The following ASIC2 variants were observed in gnomAD, a reference collection of about 807,000 sequenced individuals.
ASIC2 encodes the protein acid-sensing ion channel 2.
In ASIC2, 25 loss-of-function variants were observed where a neutral mutation model predicts 57.3. The ratio of observed to expected loss-of-function variants is 0.44; its 90% CI spans 0.32 to 0.61. The LOEUF (loss-of-function observed/expected upper bound fraction) is 0.61. ASIC2 is among the 20% of genes least tolerant of loss of function. The pLI is 0.06. For synonymous variants in ASIC2, 319 were observed against 307.5 expected, an observed-to-expected ratio of 1.04 and a Z score of -0.39; for missense variants, 641 against 738.1, an observed-to-expected ratio of 0.87 and a Z score of 1.52.
rs1349627122 is a variant in ASIC2 at position 33,946,772 on chromosome 17, A to T, written c.555+209206T>A. ...TCCATTGGGAAGGTGGGGCCAGGGG[A>T]CAAGGGTCATGGATAAAGCTGGCAT... On this transcript the variant is annotated intron_variant, in intron 1 of 9. Coordinates refer to the ASIC2 transcript ENST00000359872. 2.6e-5 allele frequency among the ~76,000 whole-genome samples: 4 copies of T among 152,184 alleles called. 1 individual carries two copies.
chr17:33,215,349 A>G (rs2142092260), intron 1 of ASIC2, among the ~76,000 whole-genome samples: 1 of 152,346 alleles, frequency 6.6e-6, no homozygotes, highest in African/African-American at 2.4e-5. Context: ...AGAGTCTTGA[A>G]ATTATGTATC....
At chr17:33,483,402 G>T (rs909674685) in intron 1 of ASIC2, among the ~76,000 whole-genome samples, 1 of 152,244 alleles carries the variant, frequency 6.6e-6, no homozygotes, top group Non-Finnish European at 1.5e-5. Context: ...TTAGCAAGTG[G>T]GCTCTATCCT....
chr17:33,671,704 A>G (rs1287166791), intron 1 of ASIC2, among the ~76,000 whole-genome samples: 1 of 152,222 alleles, frequency 6.6e-6, no homozygotes, highest in African/African-American at 2.4e-5. Context: ...TTATGAGTCA[A>G]ATCACATTGC....
intron 1 of ASIC2, among the ~76,000 whole-genome samples, chr17:33,367,037 G>A (rs996066771): frequency 1.3e-5 from 2 of 152,242 alleles, no homozygotes; most frequent in Non-Finnish European, 2.9e-5. Context: ...CTAGAATTCA[G>A]CCAGACAAAG....
chr17:34,072,690 AATTAT>A (rs1160763108), intron 1 of ASIC2, among the ~76,000 whole-genome samples: 3 of 152,216 alleles, frequency 2.0e-5, no homozygotes, highest in African/African-American at 7.2e-5. Flanking sequence ...ATAAAAGTGC[AATTAT>A]ATTATAAAAA....
At chr17:34,020,226 C>T (rs1413444836) in intron 1 of ASIC2, among the ~76,000 whole-genome samples, 3 of 152,136 alleles carry the variant, frequency 2.0e-5, no homozygotes, top group Non-Finnish European at 4.4e-5. Flanking sequence ...ATCTGGTGGT[C>T]CCTGGGCCAT....
At chr17:33,304,382 A>G (rs899175731) in intron 1 of ASIC2, among the ~76,000 whole-genome samples, 1 of 152,212 alleles carries the variant, frequency 6.6e-6, no homozygotes, top group African/African-American at 2.4e-5. Flanking sequence ...ACCAAAATCC[A>G]AGCAAGCTTA....
chr17:33,838,015 C>T (rs1367039082), intron 1 of ASIC2, among the ~76,000 whole-genome samples: 2 of 152,176 alleles, frequency 1.3e-5, no homozygotes, highest in Admixed American at 1.3e-4. Context: ...TGCTGATTTA[C>T]CTGTTCTTTC....
intron 1 of ASIC2, among the ~76,000 whole-genome samples, chr17:33,833,488 C>G (rs1431713281): frequency 2.0e-5 from 3 of 151,814 alleles, no homozygotes; most frequent in African/African-American, 7.3e-5. Context: ...CTTCCGTTCT[C>G]TTTGTCTGTG....
chr17:33,922,524 G>A (rs970291162), intron 1 of ASIC2, among the ~76,000 whole-genome samples: 14 of 152,334 alleles, frequency 9.2e-5, no homozygotes, highest in African/African-American at 2.6e-4. Context: ...CTCAAGGAGC[G>A]AACGTTCTAA....
chr17:33,021,424 C>T (rs1192440126), intron 6 of ASIC2, 114 bp from the exon 7 acceptor site: 1 of 863,026 alleles, frequency 1.2e-6, no homozygotes, highest in African/African-American at 1.7e-5. Flanking sequence ...GGAAGTGAGG[C>T]AGCTTGCCCA....
At chr17:34,131,528 A>C (rs1190371191) in intron 1 of ASIC2, among the ~76,000 whole-genome samples, 2 of 151,970 alleles carry the variant, frequency 1.3e-5, no homozygotes, top group Non-Finnish European at 2.9e-5. Context: ...CTGAGCTGTC[A>C]CCCTCCAGGA....
At chr17:33,134,704 C>T (rs1217505900) in intron 1 of ASIC2, among the ~76,000 whole-genome samples, 1 of 152,222 alleles carries the variant, frequency 6.6e-6, no homozygotes, top group Non-Finnish European at 1.5e-5. Flanking sequence ...GAGCCCTCAA[C>T]CTGGGTTGTC....
chr17:33,841,452 A>AG (rs1340803167), intron 1 of ASIC2, among the ~76,000 whole-genome samples: 2 of 152,260 alleles, frequency 1.3e-5, no homozygotes, highest in Non-Finnish European at 2.9e-5. Context: ...CAAGGCAGTT[A>AG]GGCACAGGTG....
chr17:33,829,440 G>T (rs1246776973), intron 1 of ASIC2, among the ~76,000 whole-genome samples: 1 of 152,172 alleles, frequency 6.6e-6, no homozygotes, highest in Non-Finnish European at 1.5e-5. Flanking sequence ...TGATATTGTT[G>T]TGGATAGTCA....
At chr17:33,730,050 C>T (rs1048293899) in intron 1 of ASIC2, among the ~76,000 whole-genome samples, 5 of 152,060 alleles carry the variant, frequency 3.3e-5, no homozygotes, top group African/African-American at 4.8e-5. Context: ...AAGGGACATT[C>T]GGTGCTTTCG....
At chr17:33,020,881 C>T (rs1042133381) in intron 7 of ASIC2, among the ~76,000 whole-genome samples, 3 of 152,128 alleles carry the variant, frequency 2.0e-5, no homozygotes, top group Non-Finnish European at 4.4e-5. Flanking sequence ...CCCCAGGATC[C>T]TGACTGCAAG....
chr17:33,344,448 C>T (rs1394579016), intron 1 of ASIC2, among the ~76,000 whole-genome samples: 2 of 152,108 alleles, frequency 1.3e-5, no homozygotes, highest in Non-Finnish European at 2.9e-5. Context: ...TCCTGGGACA[C>T]GACAGGTGGA....
At chr17:33,198,598 T>C (rs571601837) in intron 1 of ASIC2, among the ~76,000 whole-genome samples, 1 of 152,354 alleles carries the variant, frequency 6.6e-6, no homozygotes, top group South Asian at 2.1e-4. Flanking sequence ...CAACACTGCC[T>C]GGCATACTGT....
Sources: gnomAD v4.1 joint callset for allele counts (sites outside exome capture counted in the v4.1 genomes callset) on GRCh38, gnomAD v4.1.1 for gene constraint, MANE v1.5 for transcripts, NCBI Gene and HGNC (gene_info 2026-07-23, HGNC 2026-07-21) for gene names.